VPS26C: variants seen among roughly 807,000 people sequenced by gnomAD.
The protein encoded by VPS26C is VPS26 endosomal protein sorting factor C.
A neutral mutation model predicts 30.6 loss-of-function variants in VPS26C; 19 were observed. The observed-to-expected ratio is 0.62, with a 90% CI of 0.43 to 0.91. The LOEUF is 0.91. VPS26C is among the 40% of genes least tolerant of loss of function. VPS26C has a pLI of 0.00. For synonymous variants in VPS26C, 132 were observed against 151.5 expected (o/e 0.87, Z 0.95); for missense variants, 318 against 385.1 (o/e 0.83, Z 1.46).
rs993745207 is a variant in VPS26C, at chr21:37,257,962, T to A, written c.57+9276A>T. ...CACCAGCCGGCAGCGCCCACCAGCC[T>A]GCGCTGCGCTGCACATGGTACCCGC... On this transcript the variant is annotated intron_variant, in intron 1 of 7. Transcript: ENST00000309117. This position sits in a 1 kb window ranked among gnomAD's most constrained non-coding sequence, Gnocchi z 4.2. Among the ~76,000 whole-genome samples the A allele has an allele frequency of 6.6e-6, 1 of 152,232 alleles. No individual in the cohort carries two copies. The highest frequency in any genetic ancestry group is 2.4e-5 in the African/African-American group (1 of 41,468).
In VPS26C at chr21:37,233,805, T is replaced by C. The variant is rs1196833462; in HGVS notation, c.352-363A>G. On this transcript the variant is annotated intron_variant, in intron 3 of 7. Transcript: ENST00000309117. The surrounding 1 kb of genome is among the most constrained non-coding windows in gnomAD (Gnocchi z 5.2). ...CGCCAGGCCAGATCCCGTTGTTGTC[T>C]GCCTTACTGTGCGAGCCCAGACAGA... 6.6e-6 allele frequency among the ~76,000 whole-genome samples: 1 copy of C among 152,190 alleles called. No individual in the cohort carries two copies. Among genetic ancestry groups the C allele is most frequent in the African/African-American group, 2.4e-5 (1 of 41,460 alleles).
rs186117843 is a variant in VPS26C at position 37,253,690 on chromosome 21, T to C, written c.58-13051A>G. Among the ~76,000 whole-genome samples the C allele has an allele frequency of 8.3e-4, 127 of 152,326 alleles. No homozygotes were observed. In the Middle Eastern group the frequency reaches 0.027, roughly 33 times the overall value. On this transcript the variant is annotated intron_variant, in intron 1 of 7. Coordinates refer to ENST00000309117, the MANE Select transcript of VPS26C (RefSeq NM_006052.2). ...ATAGCACATATTAACAAAATTATGT[T>C]AATAGAGACTACCTGATTTCAGATT...
chr21:37,225,809 G>A (rs752903512), intron 7 of VPS26C, 183 bp from the exon 8 acceptor site: 97 of 604,084 alleles, frequency 1.6e-4, no homozygotes, highest in Non-Finnish European at 2.7e-4. Flanking sequence ...AGATGACTAT[G>A]CTGATGTCTG....
intron 1 of VPS26C, among the ~76,000 whole-genome samples, chr21:37,241,745 C>G (rs563192217): frequency 4.2e-4 from 64 of 152,270 alleles, no homozygotes; most frequent in Admixed American, 7.9e-4. Context: ...TTGCTTGAGC[C>G]TGGGTGGTTG....
At chr21:37,240,770 A>G in intron 1 of VPS26C, 131 bp from the exon 2 acceptor site, 1 of 1,254,958 alleles carries the variant, frequency 8.0e-7, no homozygotes, top group South Asian at 1.6e-5. Context: ...ACACCTGGAT[A>G]CCAGGGTGGA....
At chr21:37,267,405 T>A, upstream of VPS26C, 1 of 905,424 alleles carries the variant, frequency 1.1e-6, no homozygotes, top group Non-Finnish European at 1.8e-6. Flanking sequence ...CTGCCGGCAG[T>A]GGCTCACGTG....
chr21:37,227,934 C>A, intron 6 of VPS26C, 128 bp from the exon 7 acceptor site: 1 of 1,241,872 alleles, frequency 8.1e-7, no homozygotes. Flanking sequence ...TTTCCTTAGA[C>A]ACGCGGCTAC....
Position 37,250,958 on chromosome 21 carries a change from A to T in VPS26C, c.58-10319T>A, listed in dbSNP as rs921563250. Among the ~76,000 whole-genome samples the T allele has an allele frequency of 1.2e-4, 18 of 152,214 alleles. No homozygotes were observed. In the East Asian group the frequency reaches 2.7e-3, roughly 23 times the overall value. On this transcript the variant is annotated intron_variant, in intron 1 of 7. Transcript: ENST00000309117. ...ATAACTCAGAAGAAAAATGAAAAAAAAAAGGGCAAATGATCTGAACAAAGA... is the reference window on the plus strand; with the variant it reads ...ATAACTCAGAAGAAAAATGAAAAAATAAAGGGCAAATGATCTGAACAAAGA...
chr21:37,267,582 T>C (rs1450942147), upstream of VPS26C: 1 of 499,750 alleles, frequency 2.0e-6, no homozygotes, highest in Non-Finnish European at 3.6e-6. Context: ...ACCCCTTCCG[T>C]AGGGACAGTC....
In VPS26C at chr21:37,238,606, T is replaced by C; in HGVS notation, c.205A>G (p.Ile69Val). The change falls in exon 3 of 8, where the codon ATC becomes GTC. Residue 69 changes from isoleucine to valine, a missense_variant. Physicochemically the swap from Ile to Val is conservative, Grantham distance 29. Coordinates refer to ENST00000309117, the MANE Select transcript of VPS26C (RefSeq NM_006052.2). ...FEAFYNSVKP[I>V]QIINSTIEMV... is the part of the protein sequence containing the mutation. Reference sequence around the variant, plus strand: ...TCTATGGTGCTGTTGATAATCTGGATAGGCTGTAAACAAAAATCAGTTCAG... The same window carrying C: ...TCTATGGTGCTGTTGATAATCTGGACAGGCTGTAAACAAAAATCAGTTCAG... The C allele has an allele frequency of 1.2e-6, 2 of 1,614,060 alleles. No homozygotes were observed. Among genetic ancestry groups the C allele is most frequent in the East Asian group, 2.2e-5 (1 of 44,882 alleles).
upstream of VPS26C, chr21:37,267,394 T>G: frequency 9.0e-7 from 1 of 1,106,284 alleles, no homozygotes; most frequent in Non-Finnish European, 1.4e-6. Flanking sequence ...CCTTTCCCTC[T>G]CTGCCGGCAG....
At chr21:37,267,206 C>CCCCACCCA in intron 1 of VPS26C, 32 bp downstream of exon 1, 2 of 962,928 alleles carry the variant, frequency 2.1e-6, no homozygotes, top group Non-Finnish European at 3.3e-6. Flanking sequence ...CGCCCAACCC[C>CCCCACCCA]ACCTCCATCC....
At chr21:37,267,763 GT>G (rs2086386180), upstream of VPS26C, 1 of 194,242 alleles carries the variant, frequency 5.1e-6, no homozygotes, top group East Asian at 1.7e-4. Context: ...GCCCAATGGA[GT>G]TGTCTTTCAG....
In VPS26C at chr21:37,248,711, C is replaced by CT. The variant is rs1442028114; in HGVS notation, c.58-8073dup. 9.1e-5 allele frequency among the ~76,000 whole-genome samples: 12 copies of CT among 131,672 alleles called. No individual in the cohort carries two copies. In the South Asian group the frequency reaches 9.6e-4, roughly 11 times the overall value. The allele number at this position is 131,672 out of a possible 152,430, so 86.4% of individuals were successfully genotyped here. On this transcript the variant is annotated intron_variant, in intron 1 of 7. Coordinates refer to ENST00000309117, the MANE Select transcript of VPS26C (RefSeq NM_006052.2). ...TATAAAACTATTAGAAAGCAACGAA[C>CT]TTAAAAAAAAAAAAAAAGCCAACAT... is the stretch of plus-strand genomic sequence containing the variant.
At chr21:37,235,824 TAC>T in intron 3 of VPS26C, among the ~76,000 whole-genome samples, 2 of 147,550 alleles carry the variant, frequency 1.4e-5, no homozygotes, top group Non-Finnish European at 3.0e-5. Flanking sequence ...TTGATACATA[TAC>T]ATATATATGT....
upstream of VPS26C, chr21:37,267,382 C>A: frequency 1.7e-6 from 2 of 1,210,554 alleles, no homozygotes; most frequent in Non-Finnish European, 2.4e-6. Context: ...CTGGGCCCCG[C>A]CCCTTTCCCT....
intron 1 of VPS26C, among the ~76,000 whole-genome samples, chr21:37,262,448 T>C (rs2148311871): frequency 6.6e-6 from 1 of 152,376 alleles, no homozygotes; most frequent in African/African-American, 2.4e-5. Context: ...ATTTGAGCAC[T>C]TGATCATCTT....
upstream of VPS26C, chr21:37,268,044 GA>G (rs1231313783): frequency 6.6e-6 from 1 of 152,284 alleles, no homozygotes; most frequent in African/African-American, 2.4e-5. Context: ...AAGGTCTCGG[GA>G]AGCGCCGGGT....
At chr21:37,245,594 AAGTGCCTCCC>A (rs373067474) in intron 1 of VPS26C, among the ~76,000 whole-genome samples, 53 of 152,180 alleles carry the variant, frequency 3.5e-4, no homozygotes, top group African/African-American at 1.2e-3. Context: ...AATAAGACAA[AAGTGCCTCCC>A]TATTTTATTT....
Sources: gnomAD v4.1 joint callset for allele counts (sites outside exome capture counted in the v4.1 genomes callset) on GRCh38, gnomAD v4.1.1 for gene constraint, Gnocchi (gnomAD v3.1) non-coding constraint, MANE v1.5 for transcripts, NCBI Gene and HGNC (gene_info 2026-07-23, HGNC 2026-07-21) for gene names.